Variants in LRP12 observed in about 807,000 individuals in gnomAD.
The protein encoded by LRP12 is LDL receptor related protein 12.
A neutral mutation model predicts 66.0 loss-of-function variants in LRP12; 14 were observed. That is an observed-to-expected ratio of 0.21 (90% CI 0.14 to 0.33). The LOEUF (loss-of-function observed/expected upper bound fraction) is 0.33, where lower values mean the gene tolerates loss of function less well. LRP12 is among the 10% of genes least tolerant of loss of function. The pLI is 1.00. For synonymous variants in LRP12, 357 were observed against 359.1 expected, an observed-to-expected ratio of 0.99 and a Z score of 0.07; for missense variants, 889 against 1,053.4, an observed-to-expected ratio of 0.84 and a Z score of 2.16.
At chr8:104,523,241 G>A (rs1450230215) in intron 2 of LRP12, among the ~76,000 whole-genome samples, 4 of 151,854 alleles carry the variant, frequency 2.6e-5, no homozygotes, top group African/African-American at 9.7e-5. Context: ...AAATTACACA[G>A]ACTGGAAATT....
intron 2 of LRP12, among the ~76,000 whole-genome samples, chr8:104,526,246 G>C (rs919333836): frequency 6.6e-6 from 1 of 151,902 alleles, no homozygotes; most frequent in African/African-American, 2.4e-5. Context: ...CATGAAAATG[G>C]CCATACTGCC....
chr8:104,513,308 T>C (rs1811023656), intron 2 of LRP12, among the ~76,000 whole-genome samples: 1 of 152,188 alleles, frequency 6.6e-6, no homozygotes, highest in Non-Finnish European at 1.5e-5. Context: ...CAATATAAAC[T>C]ACTAAATTTT....
In LRP12 at chr8:104,490,678, A is replaced by G; in HGVS notation, c.2575T>C (p.Cys859Arg). ...ETSDDEALLL[C>R] ...CTCCCTTATGTGATTCGTACCTAAC[A>G]AAGTAACAAAGCCTCATCATCACTC... The change falls in exon 7 of 7, where the codon TGT becomes CGT. Residue 859 changes from cysteine (C) to arginine (R), a missense_variant. Coordinates refer to ENST00000276654, the MANE Select transcript of LRP12 (RefSeq NM_013437.5). The G allele has an allele frequency of 1.2e-6, 2 of 1,608,856 alleles. No individual in the cohort carries two copies. The highest frequency in any genetic ancestry group is 1.7e-6 in the Non-Finnish European group (2 of 1,177,768).
chr8:104,548,688 C>T (rs145327709), intron 1 of LRP12, among the ~76,000 whole-genome samples: 5,800 of 87,900 alleles, frequency 0.066, 178 homozygotes, highest in South Asian at 0.11. Context: ...CAGTGGCTCA[C>T]GCCTGTAATC....
intron 1 of LRP12, among the ~76,000 whole-genome samples, chr8:104,550,409 T>C (rs1198719464): frequency 6.6e-6 from 1 of 152,198 alleles, no homozygotes; most frequent in South Asian, 2.1e-4. Flanking sequence ...GAAGGAGGTG[T>C]TAGTCCAATT....
At chr8:104,552,006 G>A (rs1166229074) in intron 1 of LRP12, among the ~76,000 whole-genome samples, 3 of 152,174 alleles carry the variant, frequency 2.0e-5, no homozygotes, top group African/African-American at 4.8e-5. Flanking sequence ...TAAGTAAGAG[G>A]AGAGAAGGAA....
At chr8:104,587,929 G>A (rs1174184364) in intron 1 of LRP12, among the ~76,000 whole-genome samples, 1 of 152,176 alleles carries the variant, frequency 6.6e-6, no homozygotes, top group Non-Finnish European at 1.5e-5. Context: ...AACTAAGAAC[G>A]GTGAAGTCAG....
chr8:104,557,984 A>G (rs1413156257), intron 1 of LRP12, among the ~76,000 whole-genome samples: 2 of 152,064 alleles, frequency 1.3e-5, no homozygotes, highest in Non-Finnish European at 2.9e-5. Context: ...CCAAAGCGGG[A>G]GGATCACTTG....
chr8:104,587,462 C>T (rs573732414), intron 1 of LRP12, among the ~76,000 whole-genome samples: 1 of 152,286 alleles, frequency 6.6e-6, no homozygotes, highest in South Asian at 2.1e-4. Flanking sequence ...CACAAGCACA[C>T]CTCTGGCAAT....
At chr8:104,584,165 A>T (rs1205290303) in intron 1 of LRP12, among the ~76,000 whole-genome samples, 4 of 152,032 alleles carry the variant, frequency 2.6e-5, no homozygotes, top group African/African-American at 7.2e-5. Context: ...GAAGAAAAAC[A>T]GAAAAGAAAG....
chr8:104,505,595 G>C (rs1445955412), intron 3 of LRP12: 1 of 151,588 alleles, frequency 6.6e-6, no homozygotes, highest in Non-Finnish European at 1.5e-5. Context: ...TAGAGATGAG[G>C]TTTCGCTATG....
rs529253477 is a variant in LRP12, at chr8:104,535,890, T to G, written c.80-3927A>C. Reference sequence around the variant, plus strand: ...TTGTAAAAGAAATAGTGCTTAGCTCTCAGAATTAAAATCTACCTGCCACAG... The same window carrying G: ...TTGTAAAAGAAATAGTGCTTAGCTCGCAGAATTAAAATCTACCTGCCACAG... On this transcript the variant is annotated intron_variant, in intron 1 of 6. Transcript: ENST00000276654. Among the ~76,000 whole-genome samples, 6 of 152,174 alleles carry G rather than the reference T, an allele frequency of 3.9e-5. No individual in the cohort carries two copies. The South Asian group carries it at 1.2e-3, about 32-fold the overall frequency.
At chr8:104,547,969 T>G (rs890891764) in intron 1 of LRP12, among the ~76,000 whole-genome samples, 1 of 119,810 alleles carries the variant, frequency 8.3e-6, no homozygotes, top group African/African-American at 3.6e-5. Context: ...TTGTTATATT[T>G]TGTATATAAT....
In LRP12 at chr8:104,520,204, A is replaced by G. The variant is rs150415753; in HGVS notation, c.137-11130T>C. Among the ~76,000 whole-genome samples the G allele has an allele frequency of 2.3e-3, 357 of 152,142 alleles. 1 individual carries two copies. Among genetic ancestry groups the G allele is most frequent in the African/African-American group, 8.1e-3 (338 of 41,542 alleles). ...ATTTAGGATTTTGCTAACAATGCAT[A>G]ACGTAAGATGAATAGAGAAGATTCA... On this transcript the variant is annotated intron_variant, in intron 2 of 6. Coordinates refer to ENST00000276654, the MANE Select transcript of LRP12 (RefSeq NM_013437.5).
intron 1 of LRP12, among the ~76,000 whole-genome samples, chr8:104,576,790 C>A (rs1812171770): frequency 1.3e-5 from 2 of 151,944 alleles, no homozygotes; most frequent in Non-Finnish European, 2.9e-5. Context: ...GGAATAAATG[C>A]CCCAAGTAAA....
intron 6 of LRP12, among the ~76,000 whole-genome samples, chr8:104,493,921 C>T (rs1378981977): frequency 6.6e-6 from 1 of 152,138 alleles, no homozygotes; most frequent in Non-Finnish European, 1.5e-5. Context: ...TGTCTGTATC[C>T]TCTCCCTGTA....
chr8:104,553,629 G>GC (rs1811760372), intron 1 of LRP12, among the ~76,000 whole-genome samples: 1 of 152,086 alleles, frequency 6.6e-6, no homozygotes. Flanking sequence ...ACCTAACCCT[G>GC]CCCCCACCTG....
intron 1 of LRP12, among the ~76,000 whole-genome samples, chr8:104,567,005 T>TA (rs11330469): frequency 0.066 from 9,725 of 147,254 alleles, 362 homozygotes; most frequent in South Asian, 0.085. Context: ...TCATTTTATT[T>TA]AAAAAAAAAA....
intron 5 of LRP12, among the ~76,000 whole-genome samples, chr8:104,496,756 G>A (rs1221751422): frequency 6.6e-6 from 1 of 152,178 alleles, no homozygotes; most frequent in Non-Finnish European, 1.5e-5. Flanking sequence ...CTGGTAAATA[G>A]ATGGGCTTTT....
Sources: gnomAD v4.1 joint callset for allele counts (sites outside exome capture counted in the v4.1 genomes callset) on GRCh38, gnomAD v4.1.1 for gene constraint, MANE v1.5 for transcripts, NCBI Gene and HGNC (gene_info 2026-07-23, HGNC 2026-07-21) for gene names.